FRMPD4: variants seen among roughly 807,000 people sequenced by gnomAD.
The protein encoded by FRMPD4 is FERM and PDZ domain containing 4.
FRMPD4 carries 22 observed loss-of-function variants against 94.1 expected under a neutral mutation model. That is an observed-to-expected ratio of 0.23 (90% confidence interval 0.17 to 0.33). The LOEUF (loss-of-function observed/expected upper bound fraction) is 0.33, where lower values mean the gene tolerates loss of function less well. FRMPD4 is among the 10% of genes least tolerant of loss of function. FRMPD4 has a pLI of 1.00. For missense variants in FRMPD4, 1,111 were observed against 1,339.9 expected, an observed-to-expected ratio of 0.83 and a Z score of 2.67; for synonymous variants, 631 against 548.6, an observed-to-expected ratio of 1.15 and a Z score of -2.10.
intron 2 of FRMPD4, among the ~76,000 whole-genome samples, chrX:12,598,030 T>C (rs1358164090): frequency 9.1e-5 from 10 of 110,021 alleles, no homozygotes; most frequent in African/African-American, 3.4e-4. Context: ...GGTTTTGTTT[T>C]TAATTTTTTG....
At chrX:12,334,931 C>T (rs2055493187) in intron 1 of FRMPD4, among the ~76,000 whole-genome samples, 2 of 110,375 alleles carry the variant, frequency 1.8e-5, no homozygotes, top group Admixed American at 1.9e-4. Context: ...CTCATTGCAT[C>T]CTCTCAATAA....
chrX:12,274,853 C>G (rs1372909684), intron 1 of FRMPD4, among the ~76,000 whole-genome samples: 2 of 111,914 alleles, frequency 1.8e-5, no homozygotes, highest in Non-Finnish European at 3.8e-5. Context: ...ACTAAAAATA[C>G]AAAAAATTAG....
chrX:12,443,680 A>C (rs770651948), intron 1 of FRMPD4, among the ~76,000 whole-genome samples: 1 of 112,017 alleles, frequency 8.9e-6, no homozygotes, highest in South Asian at 3.7e-4. Context: ...GTGGAAACAA[A>C]TGAAAACATG....
At chrX:12,572,459 A>ATTTTAAT (rs2058769288) in intron 2 of FRMPD4, among the ~76,000 whole-genome samples, 2 of 112,782 alleles carry the variant, frequency 1.8e-5, no homozygotes, top group African/African-American at 6.4e-5. Flanking sequence ...TTAGAAAAAG[A>ATTTTAAT]CATGCTAAAG....
At chrX:12,696,586 C>CAAAAAAAAAAAAAAAAAAAAAAAAAAAA (rs57877846) in intron 9 of FRMPD4, among the ~76,000 whole-genome samples, 13 of 30,048 alleles carry the variant, frequency 4.3e-4, no homozygotes, top group East Asian at 2.4e-3. Context: ...AAAAATGAAG[C>CAAAAAAAAAAAAAAAAAAAAAAAAAAAA]AAAAAAAAAA....
chrX:12,446,927 G>A, intron 1 of FRMPD4, among the ~76,000 whole-genome samples: 1 of 111,028 alleles, frequency 9.0e-6, no homozygotes. Flanking sequence ...GTTGGGGGAT[G>A]GAATGCTGAC....
At chrX:12,307,951 T>G (rs2054970415) in intron 1 of FRMPD4, among the ~76,000 whole-genome samples, 1 of 111,215 alleles carries the variant, frequency 9.0e-6, no homozygotes. Flanking sequence ...TGTAGAGATG[T>G]GTGGGTATGT....
chrX:12,049,012 T>A (rs2147449511), intron 3 of FRMPD4, among the ~76,000 whole-genome samples: 1 of 111,858 alleles, frequency 8.9e-6, no homozygotes, highest in South Asian at 3.8e-4. Context: ...TTTTTTCTAA[T>A]TCTGTAAAAA....
At chrX:12,607,276 TAC>T (rs1207931672) in intron 2 of FRMPD4, among the ~76,000 whole-genome samples, 1 of 111,610 alleles carries the variant, frequency 9.0e-6, no homozygotes, top group Admixed American at 9.5e-5. Flanking sequence ...CCCAAGCATA[TAC>T]CATATCATGG....
At position 12,264,451 on chromosome X, in the gene FRMPD4, G is replaced by C. The variant is rs1395849718; in HGVS notation, c.41+125439G>C. Among the ~76,000 whole-genome samples the C allele has an allele frequency of 6.3e-5, 7 of 111,838 alleles. No homozygotes were observed. The East Asian group carries it at 2.0e-3, about 32-fold the overall frequency. On this transcript the variant is annotated intron_variant, in intron 1 of 16. Coordinates refer to ENST00000675598, the MANE Select transcript of FRMPD4 (RefSeq NM_001368397.1). Reference sequence around the variant, plus strand: ...CTCAAGACCCTCTTCACTTTTTTCAGTTCATTGTGGGTCAGTATTTCACAT... The same window carrying C: ...CTCAAGACCCTCTTCACTTTTTTCACTTCATTGTGGGTCAGTATTTCACAT...
At chrX:12,091,254 A>AT (rs1555921922) in intron 3 of FRMPD4, among the ~76,000 whole-genome samples, 137 of 83,506 alleles carry the variant, frequency 1.6e-3, no homozygotes, top group Middle Eastern at 7.3e-3. Context: ...CTGAACTAGG[A>AT]TTTTAAAAAA....
intron 1 of FRMPD4, among the ~76,000 whole-genome samples, chrX:11,841,648 C>A (rs1392460023): frequency 9.0e-6 from 1 of 111,073 alleles, no homozygotes; most frequent in Non-Finnish European, 1.9e-5. Context: ...CGGATATTAG[C>A]CCTTTGTCAC....
chrX:12,110,766 C>T lies in FRMPD4; in HGVS notation c.95+232748C>T, dbSNP rs760964112. On this transcript the variant is annotated intron_variant, in intron 3 of 18. Transcript: ENST00000640291. ...TGTGCAAAAATCACAAGCATTCTTACACACCAATAACAGACAAACAGAGAG... is the reference window on the plus strand; with the variant it reads ...TGTGCAAAAATCACAAGCATTCTTATACACCAATAACAGACAAACAGAGAG... Among the ~76,000 whole-genome samples, 9 of 111,451 alleles carry T rather than the reference C, an allele frequency of 8.1e-5. No homozygotes were observed. The East Asian group carries it at 2.0e-3, about 24-fold the overall frequency.
chrX:12,656,090 C>T (rs980587527), intron 4 of FRMPD4, among the ~76,000 whole-genome samples: 1 of 112,236 alleles, frequency 8.9e-6, no homozygotes, highest in Non-Finnish European at 1.9e-5. Context: ...CATTTATCTC[C>T]ACATCCACTC....
chrX:12,401,281 TCTCCCCTTCC>T (rs1192041090), intron 1 of FRMPD4, among the ~76,000 whole-genome samples: 1 of 110,143 alleles, frequency 9.1e-6, no homozygotes, highest in Non-Finnish European at 1.9e-5. Context: ...TCTTCCTTTC[TCTCCCCTTCC>T]CTCCTTTCTC....
At chrX:12,206,852 A>G (rs1228764192) in intron 1 of FRMPD4, among the ~76,000 whole-genome samples, 2 of 112,374 alleles carry the variant, frequency 1.8e-5, no homozygotes, top group African/African-American at 3.2e-5. Flanking sequence ...TGTGTTATCC[A>G]CATTCTGTTT....
intron 3 of FRMPD4, among the ~76,000 whole-genome samples, chrX:11,891,456 G>A (rs1206805005): frequency 8.9e-6 from 1 of 112,584 alleles, no homozygotes; most frequent in Non-Finnish European, 1.9e-5. Context: ...CAGAAGCCGA[G>A]GGGAGAGGGG....
intron 1 of FRMPD4, among the ~76,000 whole-genome samples, chrX:12,296,942 G>A (rs1227166149): frequency 1.8e-5 from 2 of 112,373 alleles, no homozygotes; most frequent in Non-Finnish European, 3.8e-5. Context: ...GGACAGGTGG[G>A]CATGGGGTAG....
intron 4 of FRMPD4, among the ~76,000 whole-genome samples, chrX:12,640,492 C>G (rs1389979602): frequency 9.0e-6 from 1 of 110,835 alleles, no homozygotes; most frequent in Non-Finnish European, 1.9e-5. Context: ...AATGAGGAAT[C>G]AAGGCTATTT....
Sources: allele counts gnomAD v4.1 joint callset (sites outside exome capture counted in the v4.1 genomes callset), GRCh38; gene constraint gnomAD v4.1.1; transcripts MANE v1.5; gene names NCBI Gene and HGNC (gene_info 2026-07-23, HGNC 2026-07-21).